ALG14: variants seen among roughly 807,000 people sequenced by gnomAD.
The protein encoded by ALG14 is UDP-N-acetylglucosamine transferase subunit ALG14.
ALG14 carries 17 observed loss-of-function variants against 22.8 expected under a neutral mutation model. That is an observed-to-expected ratio of 0.75 (90% confidence interval 0.51 to 1.12). The LOEUF is 1.12. Among genes scored for constraint, ALG14 ranks in the 50% most tolerant of loss-of-function variants. The pLI, the probability that ALG14 is intolerant of heterozygous loss-of-function variation, is 0.00. For missense variants in ALG14, 288 were observed against 271.8 expected, an observed-to-expected ratio of 1.06 and a Z score of -0.42; for synonymous variants, 89 against 103.7, an observed-to-expected ratio of 0.86 and a Z score of 0.86.
intron 2 of ALG14, among the ~76,000 whole-genome samples, chr1:95,034,206 GTTC>G (rs747160395): frequency 2.0e-5 from 3 of 152,200 alleles, no homozygotes; most frequent in Admixed American, 6.5e-5. Context: ...AGGGGAGACA[GTTC>G]TTCTCCAAAT....
At chr1:95,022,316 G>C (rs1222575718) in intron 3 of ALG14, 2 of 985,220 alleles carry the variant, frequency 2.0e-6, no homozygotes, top group African/African-American at 3.5e-5. Flanking sequence ...GCAGCTACAG[G>C]TTGTCACTCA....
chr1:95,056,199 A>C (rs1674927975), intron 2 of ALG14, among the ~76,000 whole-genome samples: 1 of 152,176 alleles, frequency 6.6e-6, no homozygotes, highest in Non-Finnish European at 1.5e-5. Context: ...ATACATACAC[A>C]AAAACTTCAC....
rs750820046 is a variant in ALG14 at position 94,983,188 on chromosome 1, G to A, written c.539C>T (p.Thr180Met). The A allele has an allele frequency of 2.5e-5, 40 of 1,613,944 alleles. 1 individual carries two copies. Among genetic ancestry groups the A allele is most frequent in the Admixed American group, 1.0e-4 (6 of 59,998 alleles). Residue 180 changes from threonine to methionine, a missense_variant, in exon 4 of 4, where the codon ACG becomes ATG. By Grantham distance (81) the Thr-to-Met change is moderately conservative. Transcript: ENST00000370205. ...CAGAATCTTTCCGGACATGGATAAC[G>A]TTTCTACACGGCAGATGCTTTCAAC... ...VYVESICRVE[T>M]LSMSGKILFH...
chr1:95,017,352 T>C (rs1290256704), intron 3 of ALG14, among the ~76,000 whole-genome samples: 3 of 151,584 alleles, frequency 2.0e-5, no homozygotes, highest in Non-Finnish European at 4.4e-5. Flanking sequence ...AGAGTCACTG[T>C]GCTAGGAAAA....
chr1:94,977,505 C>T lies in ALG14; in HGVS notation c.*5571G>A, dbSNP rs1261056703. ...TCATTCTTATGATGGTATAGTTTTC[C>T]AGATGCTACAAGATGTGTGATGATA... On this transcript the variant is annotated 3_prime_UTR_variant, in exon 4 of 4. Coordinates refer to ENST00000370205, the MANE Select transcript of ALG14 (RefSeq NM_144988.4). 1 of 152,092 alleles carries T rather than the reference C, an allele frequency of 6.6e-6. No individual in the cohort carries two copies. The highest frequency in any genetic ancestry group is 1.5e-5 in the Non-Finnish European group (1 of 68,028). The allele number at this position is 152,092 out of a possible 1,614,324, so 9.4% of individuals were successfully genotyped here.
At chr1:95,053,256 A>C (rs965748994) in intron 2 of ALG14, among the ~76,000 whole-genome samples, 2 of 152,226 alleles carry the variant, frequency 1.3e-5, no homozygotes, top group African/African-American at 4.8e-5. Context: ...TTCTATGTTA[A>C]TGTTAGATAA....
intron 2 of ALG14, among the ~76,000 whole-genome samples, chr1:95,048,770 T>C (rs568662514): frequency 2.0e-5 from 3 of 152,270 alleles, no homozygotes; most frequent in Admixed American, 6.5e-5. Context: ...TTTTTTCATA[T>C]AAGTAATTTC....
At chr1:95,005,900 CG>C (rs1285850420) in intron 3 of ALG14, among the ~76,000 whole-genome samples, 3 of 152,026 alleles carry the variant, frequency 2.0e-5, no homozygotes, top group African/African-American at 7.2e-5. Flanking sequence ...TGGACATCTA[CG>C]TAGTGAAAAT....
At chr1:95,002,403 C>T (rs939633946) in intron 3 of ALG14, among the ~76,000 whole-genome samples, 2 of 145,434 alleles carry the variant, frequency 1.4e-5, no homozygotes, top group African/African-American at 2.5e-5. Context: ...GGAGGCTGAG[C>T]GGGTTGGGGA....
At chr1:95,025,895 T>C (rs1673797624) in intron 3 of ALG14, among the ~76,000 whole-genome samples, 1 of 152,202 alleles carries the variant, frequency 6.6e-6, no homozygotes, top group Admixed American at 6.5e-5. Flanking sequence ...AATGAGGCTA[T>C]GTCATGTACT....
intron 2 of ALG14, among the ~76,000 whole-genome samples, chr1:95,048,198 A>G (rs1674623350): frequency 6.6e-6 from 1 of 152,228 alleles, no homozygotes; most frequent in Non-Finnish European, 1.5e-5. Flanking sequence ...GGAAAACATA[A>G]GCCTACTTAC....
At position 94,976,763 on chromosome 1, in the gene ALG14, G is replaced by T. The variant is rs1224643277; in HGVS notation, c.*6313C>A. 2.6e-5 allele frequency: 4 copies of T among 152,100 alleles called. No individual in the cohort carries two copies. Among genetic ancestry groups the T allele is most frequent in the Admixed American group, 2.6e-4 (4 of 15,276 alleles). 9.4% of individuals were successfully genotyped at this position (152,100 alleles called of 1,614,324 possible). A position where few individuals can be genotyped will look rare whatever the true frequency, so the allele number is the denominator to read the frequency against. ...ACATGCCCTGGATAATCTACTATCC[G>T]TTAGTATGGGTGGGATCTGTGAATA... On this transcript the variant is annotated 3_prime_UTR_variant, in exon 4 of 4. Transcript: ENST00000370205.
rs2100707680 is a variant in ALG14 at position 94,982,445 on chromosome 1, A to G, written c.*631T>C. On this transcript the variant is annotated 3_prime_UTR_variant, in exon 4 of 4. Coordinates refer to ENST00000370205, the MANE Select transcript of ALG14 (RefSeq NM_144988.4). Reference sequence around the variant, plus strand: ...CGGCCTAAACAAGAGATTTTAAAAGATACTCTGTATTAAGGCCAACTACTC... The same window carrying G: ...CGGCCTAAACAAGAGATTTTAAAAGGTACTCTGTATTAAGGCCAACTACTC... 1 of 152,236 alleles carries G rather than the reference A, an allele frequency of 6.6e-6. No individual in the cohort carries two copies. Among genetic ancestry groups the G allele is most frequent in the Admixed American group, 6.5e-5 (1 of 15,274 alleles). 9.4% of individuals were successfully genotyped at this position (152,236 alleles called of 1,614,324 possible). A position where few individuals can be genotyped will look rare whatever the true frequency, so the allele number is the denominator to read the frequency against.
chr1:95,067,141 T>C (rs981423483), intron 1 of ALG14: 2 of 152,224 alleles, frequency 1.3e-5, no homozygotes, highest in Non-Finnish European at 2.9e-5. Context: ...GGGTTCTTAA[T>C]GCTCAATCGC....
intron 3 of ALG14, among the ~76,000 whole-genome samples, chr1:95,010,883 G>T (rs1673343378): frequency 6.6e-6 from 1 of 152,114 alleles, no homozygotes; most frequent in Non-Finnish European, 1.5e-5. Context: ...AAGTTCTAAA[G>T]ATTTGGAAGA....
At chr1:95,060,173 C>G (rs1404278018) in intron 2 of ALG14, among the ~76,000 whole-genome samples, 1 of 131,140 alleles carries the variant, frequency 7.6e-6, no homozygotes, top group Non-Finnish European at 1.7e-5. Context: ...CACACACACA[C>G]ACACGTGGTG....
At chr1:95,061,325 G>A (rs548890062) in intron 2 of ALG14, among the ~76,000 whole-genome samples, 2 of 152,050 alleles carry the variant, frequency 1.3e-5, no homozygotes, top group Non-Finnish European at 2.9e-5. Context: ...TTTCCACAGA[G>A]GAAAAAAAGT....
chr1:95,004,792 C>T (rs1673171198), intron 3 of ALG14, among the ~76,000 whole-genome samples: 1 of 146,058 alleles, frequency 6.8e-6, no homozygotes, highest in Admixed American at 6.7e-5. Flanking sequence ...ACCGCGCCTG[C>T]CCCCGCCCCC....
intron 3 of ALG14, among the ~76,000 whole-genome samples, chr1:94,993,361 AT>A (rs1165931662): frequency 6.8e-6 from 1 of 146,512 alleles, no homozygotes; most frequent in African/African-American, 2.5e-5. Context: ...ATATATAGAT[AT>A]TTAAGTATTT....
Sources: allele counts gnomAD v4.1 joint callset (sites outside exome capture counted in the v4.1 genomes callset), GRCh38; gene constraint gnomAD v4.1.1; transcripts MANE v1.5; gene names NCBI Gene and HGNC (gene_info 2026-07-23, HGNC 2026-07-21).